Variants in SGCZ observed in about 807,000 individuals in gnomAD.
SGCZ encodes the protein sarcoglycan zeta.
SGCZ carries 40 observed loss-of-function variants against 41.3 expected under a neutral mutation model. The observed-to-expected ratio is 0.97, with a 90% CI of 0.75 to 1.26. The LOEUF (loss-of-function observed/expected upper bound fraction) is 1.26. SGCZ is among the 50% of genes most tolerant of loss of function. The probability of loss-of-function intolerance (pLI) is 0.00; values close to 1 mark genes in which losing one functional copy is unlikely to be tolerated. For missense variants in SGCZ, 552 were observed against 369.8 expected (o/e 1.49, Z -4.04); for synonymous variants, 206 against 137.5 (o/e 1.50, Z -3.49).
intron 5 of SGCZ, among the ~76,000 whole-genome samples, chr8:14,115,432 T>C (rs1342710607): frequency 1.3e-5 from 2 of 151,990 alleles, no homozygotes; most frequent in East Asian, 3.8e-4. Flanking sequence ...ATACTGTCAT[T>C]TATTACATTT....
At chr8:14,909,550 T>A (rs762967502) in intron 1 of SGCZ, among the ~76,000 whole-genome samples, 2 of 152,204 alleles carry the variant, frequency 1.3e-5, no homozygotes, top group Non-Finnish European at 2.9e-5. Context: ...TACGTCATAC[T>A]ATTTTTTAGT....
At chr8:15,093,364 C>T (rs764004876) in intron 1 of SGCZ, among the ~76,000 whole-genome samples, 57 of 152,246 alleles carry the variant, frequency 3.7e-4, no homozygotes, top group Admixed American at 1.2e-3. Context: ...TCTTGACACT[C>T]AAATTTAAAC....
At chr8:14,780,991 C>T (rs769928704) in intron 1 of SGCZ, among the ~76,000 whole-genome samples, 1 of 152,024 alleles carries the variant, frequency 6.6e-6, no homozygotes, top group Non-Finnish European at 1.5e-5. Flanking sequence ...GATACCAAGA[C>T]CTAAAATATT....
chr8:14,711,454 A>G (rs1033913903), intron 1 of SGCZ, among the ~76,000 whole-genome samples: 19 of 137,708 alleles, frequency 1.4e-4, no homozygotes, highest in Admixed American at 2.9e-4. Context: ...AAAAAAAAAA[A>G]AGTTAGGCAT....
chr8:14,133,043 T>TA (rs929009609), intron 5 of SGCZ, among the ~76,000 whole-genome samples: 11 of 152,060 alleles, frequency 7.2e-5, no homozygotes, highest in Non-Finnish European at 1.0e-4. Context: ...CCAAAATGAA[T>TA]AAAAAAACCA....
intron 4 of SGCZ, among the ~76,000 whole-genome samples, chr8:14,211,379 C>T (rs1805801920): frequency 6.6e-6 from 1 of 152,122 alleles, no homozygotes; most frequent in South Asian, 2.1e-4. Flanking sequence ...TCCCCTGACA[C>T]CGTCCATACT....
rs137899621 is a variant in SGCZ at position 14,468,739 on chromosome 8, C to T, written c.234+85993G>A. ...GAGAAAAACATAAAAATCAGTTTCT[C>T]CTAGACTTTCAATTCAGTAACTCTC... is the stretch of plus-strand genomic sequence containing the variant. On this transcript the variant is annotated intron_variant, in intron 2 of 7. Transcript: ENST00000382080. Among the ~76,000 whole-genome samples, 680 of 152,116 alleles carry T rather than the reference C, an allele frequency of 4.5e-3. 7 individuals carry two copies. The highest frequency in any genetic ancestry group is 0.016 in the African/African-American group (657 of 41,528).
At chr8:14,771,541 T>C (rs1211376932) in intron 1 of SGCZ, among the ~76,000 whole-genome samples, 1 of 152,128 alleles carries the variant, frequency 6.6e-6, no homozygotes, top group Admixed American at 6.6e-5. Context: ...TCTAGGTTAT[T>C]TTTTAACTTC....
intron 1 of SGCZ, chr8:14,853,441 T>C (rs1803416612): frequency 1.9e-6 from 1 of 532,286 alleles, no homozygotes. Flanking sequence ...ACACTTGCTC[T>C]TTCTGACCAG....
intron 1 of SGCZ, among the ~76,000 whole-genome samples, chr8:15,157,674 C>T (rs917622099): frequency 3.9e-5 from 6 of 152,116 alleles, no homozygotes; most frequent in African/African-American, 1.4e-4. Flanking sequence ...AAACAACACA[C>T]TTACACTCAT....
At chr8:14,651,487 A>G (rs1807396534) in intron 1 of SGCZ, among the ~76,000 whole-genome samples, 1 of 152,028 alleles carries the variant, frequency 6.6e-6, no homozygotes, top group Non-Finnish European at 1.5e-5. Context: ...TTATTATATC[A>G]CCATTATACA....
intron 2 of SGCZ, among the ~76,000 whole-genome samples, chr8:14,471,693 T>C (rs575508137): frequency 1.8e-4 from 27 of 152,248 alleles, no homozygotes; most frequent in African/African-American, 6.0e-4. Context: ...TTACTAAATA[T>C]TATGAAGCTA....
intron 1 of SGCZ, among the ~76,000 whole-genome samples, chr8:15,175,791 C>A (rs1230500408): frequency 6.6e-6 from 1 of 151,876 alleles, no homozygotes; most frequent in East Asian, 1.9e-4. Flanking sequence ...AAGGTTGAAA[C>A]ACAGGCAGAA....
At chr8:14,953,465 G>A (rs971806143) in intron 1 of SGCZ, among the ~76,000 whole-genome samples, 1 of 152,132 alleles carries the variant, frequency 6.6e-6, no homozygotes, top group Non-Finnish European at 1.5e-5. Context: ...GGGACTCAGA[G>A]CCAACACATA....
intron 1 of SGCZ, among the ~76,000 whole-genome samples, chr8:15,019,002 G>A (rs1585479161): frequency 6.6e-6 from 1 of 152,168 alleles, no homozygotes; most frequent in Non-Finnish European, 1.5e-5. Flanking sequence ...ATCAAAGCAG[G>A]AAGTGCTACA....
chr8:14,703,447 T>C (rs993777838), intron 1 of SGCZ, among the ~76,000 whole-genome samples: 2 of 151,988 alleles, frequency 1.3e-5, no homozygotes, highest in South Asian at 2.1e-4. Context: ...GAGATTTCCC[T>C]ATCTAGAGAA....
chr8:14,282,848 T>TTTTTC (rs1800492782), intron 3 of SGCZ, among the ~76,000 whole-genome samples: 1 of 6,210 alleles, frequency 1.6e-4, no homozygotes, highest in Non-Finnish European at 2.6e-4. Context: ...TTTCAAATAC[T>TTTTTC]TTTTTTTTTT....
At chr8:14,912,415 T>C (rs1799303741) in intron 1 of SGCZ, among the ~76,000 whole-genome samples, 1 of 152,058 alleles carries the variant, frequency 6.6e-6, no homozygotes, top group African/African-American at 2.4e-5. Flanking sequence ...TACCTCAGCA[T>C]AGAAATGATT....
chr8:14,736,662 G>T (rs899216542), intron 1 of SGCZ, among the ~76,000 whole-genome samples: 3 of 151,860 alleles, frequency 2.0e-5, no homozygotes, highest in Non-Finnish European at 2.9e-5. Flanking sequence ...AGAGTCCATT[G>T]TGTCATTCTT....
Sources: gnomAD v4.1 joint callset for allele counts (sites outside exome capture counted in the v4.1 genomes callset) on GRCh38, gnomAD v4.1.1 for gene constraint, MANE v1.5 for transcripts, NCBI Gene and HGNC (gene_info 2026-07-23, HGNC 2026-07-21) for gene names.